Variants in GPBP1 observed in about 807,000 individuals in gnomAD.
GPBP1 encodes the protein GC-rich promoter binding protein 1.
In GPBP1, 13 loss-of-function variants were observed where a neutral mutation model predicts 56.5. The observed-to-expected ratio is 0.23, with a 90% CI of 0.15 to 0.37. The LOEUF (loss-of-function observed/expected upper bound fraction) is 0.37, where lower values mean the gene tolerates loss of function less well. Among genes scored for constraint, GPBP1 ranks in the 10% least tolerant of loss-of-function variants. The pLI, the probability that GPBP1 is intolerant of heterozygous loss-of-function variation, is 1.00. For synonymous variants in GPBP1, 204 were observed against 188.9 expected, an observed-to-expected ratio of 1.08 and a Z score of -0.66; for missense variants, 477 against 572.3, an observed-to-expected ratio of 0.83 and a Z score of 1.70.
intron 3 of GPBP1, among the ~76,000 whole-genome samples, chr5:57,226,729 CTTTTTTTTTTTTTT>C (rs70999067): frequency 2.7e-4 from 21 of 77,122 alleles, no homozygotes; most frequent in African/African-American, 7.6e-4. Context: ...TTTTTGTATT[CTTTTTTTTTTTTTT>C]TTTTTTTTTT....
intron 6 of GPBP1, among the ~76,000 whole-genome samples, chr5:57,238,031 G>T (rs973525055): frequency 1.3e-5 from 2 of 152,004 alleles, no homozygotes; most frequent in Non-Finnish European, 2.9e-5. Flanking sequence ...CCCTCATGCA[G>T]CTTATATCTG....
At position 57,261,163 on chromosome 5, in the gene GPBP1, T is replaced by C. The variant is rs1396975708; in HGVS notation, c.1161-17T>C. The C allele has an allele frequency of 1.3e-6, 2 of 1,524,876 alleles. No individual in the cohort carries two copies. Among genetic ancestry groups the C allele is most frequent in the Non-Finnish European group, 1.8e-6 (2 of 1,099,194 alleles). The allele number at this position is 1,524,876 out of a possible 1,614,324, so 94.5% of individuals were successfully genotyped here. A position where few individuals can be genotyped will look rare whatever the true frequency, so the allele number is the denominator to read the frequency against. On this transcript the variant is annotated splice_polypyrimidine_tract_variant and intron_variant, in intron 10 of 11. Coordinates refer to ENST00000506184, the MANE Select transcript of GPBP1 (RefSeq NM_022913.4). ...AGGGTAAGCTTTACATTAAACTTAA[T>C]TTCCTCTCCTTTTCAGATTGTTAAA...
chr5:57,213,833 G>A (rs1193407125), intron 2 of GPBP1, among the ~76,000 whole-genome samples: 1 of 152,162 alleles, frequency 6.6e-6, no homozygotes, highest in Non-Finnish European at 1.5e-5. Flanking sequence ...TGACAAATGT[G>A]TACAGTTGTA....
At chr5:57,219,011 C>T in intron 3 of GPBP1, among the ~76,000 whole-genome samples, 1 of 152,038 alleles carries the variant, frequency 6.6e-6, no homozygotes, top group Non-Finnish European at 1.5e-5. Flanking sequence ...GATGTATCTC[C>T]TATTCTGTGA....
At chr5:57,224,090 A>C (rs190030989) in intron 3 of GPBP1, among the ~76,000 whole-genome samples, 2,952 of 151,232 alleles carry the variant, frequency 0.02, 73 homozygotes, top group African/African-American at 0.067. Context: ...GCCTCGGCCT[A>C]CCAAAGTGCT....
At chr5:57,251,181 A>G (rs1362045906) in intron 10 of GPBP1, 40 bp downstream of exon 10, 16 of 1,488,190 alleles carry the variant, frequency 1.1e-5, no homozygotes, top group African/African-American at 1.4e-5. Flanking sequence ...CATTTTCTGT[A>G]TTCGAGATTT....
At chr5:57,183,961 G>A (rs1189466528) in intron 2 of GPBP1, among the ~76,000 whole-genome samples, 2 of 152,022 alleles carry the variant, frequency 1.3e-5, no homozygotes, top group Non-Finnish European at 2.9e-5. Context: ...TTTTTGTAGA[G>A]ATGGGCTTCT....
intron 3 of GPBP1, among the ~76,000 whole-genome samples, chr5:57,221,743 C>G (rs1448773160): frequency 6.6e-6 from 1 of 152,172 alleles, no homozygotes; most frequent in African/African-American, 2.4e-5. Flanking sequence ...ATTAGTATTA[C>G]TGTACCAAAA....
intron 2 of GPBP1, among the ~76,000 whole-genome samples, chr5:57,182,954 A>G (rs1754123551): frequency 6.6e-6 from 1 of 152,158 alleles, no homozygotes. Context: ...AACTGTTGGG[A>G]TTACAGGCAT....
chr5:57,187,750 T>G (rs567888788), intron 2 of GPBP1, among the ~76,000 whole-genome samples: 1 of 152,124 alleles, frequency 6.6e-6, no homozygotes, highest in African/African-American at 2.4e-5. Context: ...TGTAAAATAA[T>G]ACAGACAGTG....
At chr5:57,257,454 G>C (rs538397824) in intron 10 of GPBP1, among the ~76,000 whole-genome samples, 3 of 152,150 alleles carry the variant, frequency 2.0e-5, no homozygotes, top group African/African-American at 7.2e-5. Context: ...TCAGGGTATC[G>C]AGGTAGCCTC....
chr5:57,203,308 T>G (rs190538085), intron 2 of GPBP1, among the ~76,000 whole-genome samples: 3 of 152,282 alleles, frequency 2.0e-5, no homozygotes, highest in Admixed American at 2.0e-4. Flanking sequence ...TTTTGTAACT[T>G]CCTGTTTTGA....
chr5:57,219,411 C>CAAAAAA (rs1561348407), intron 3 of GPBP1, among the ~76,000 whole-genome samples: 1 of 75,884 alleles, frequency 1.3e-5, no homozygotes, highest in Non-Finnish European at 2.4e-5. Flanking sequence ...AAACCAAAAA[C>CAAAAAA]AAACAAACAA....
chr5:57,212,672 CT>C (rs550327781), intron 2 of GPBP1, among the ~76,000 whole-genome samples: 160 of 139,654 alleles, frequency 1.1e-3, no homozygotes, highest in Non-Finnish European at 1.1e-3. Flanking sequence ...TTCTTTTTTT[CT>C]TTTTTTTTTT....
chr5:57,226,894 C>T (rs563697296), intron 3 of GPBP1, among the ~76,000 whole-genome samples: 54 of 151,856 alleles, frequency 3.6e-4, no homozygotes, highest in African/African-American at 1.2e-3. Context: ...TGCCCGCCAC[C>T]GCGCCTGACT....
intron 6 of GPBP1, among the ~76,000 whole-genome samples, chr5:57,238,787 T>G (rs1164297392): frequency 6.6e-6 from 1 of 152,210 alleles, no homozygotes; most frequent in East Asian, 1.9e-4. Context: ...CCTTGGTAGT[T>G]TGATGAGCTT....
At chr5:57,246,506 A>G in intron 7 of GPBP1, 22 bp downstream of exon 7, 2 of 1,573,794 alleles carry the variant, frequency 1.3e-6, no homozygotes, top group Non-Finnish European at 1.7e-6. Context: ...ATTACCACAA[A>G]TGTAAATTTT....
intron 3 of GPBP1, among the ~76,000 whole-genome samples, chr5:57,225,504 A>C (rs866888533): frequency 1.6e-4 from 22 of 137,438 alleles, no homozygotes; most frequent in African/African-American, 5.1e-4. Flanking sequence ...AAAAAAAAAA[A>C]AAAAAAACAA....
intron 6 of GPBP1, among the ~76,000 whole-genome samples, chr5:57,237,745 C>T (rs1214680523): frequency 6.6e-6 from 1 of 151,856 alleles, no homozygotes; most frequent in Non-Finnish European, 1.5e-5. Context: ...AGCTATGTTC[C>T]TGAGGAAGAC....
Sources: gnomAD v4.1 joint callset for allele counts (sites outside exome capture counted in the v4.1 genomes callset) on GRCh38, gnomAD v4.1.1 for gene constraint, MANE v1.5 for transcripts, NCBI Gene and HGNC (gene_info 2026-07-23, HGNC 2026-07-21) for gene names.